CDK5: variants seen among roughly 807,000 people sequenced by gnomAD.
CDK5 encodes the protein cyclin-dependent kinase 5.
In CDK5, 18 loss-of-function variants were observed where a neutral mutation model predicts 44.6. That is an observed-to-expected ratio of 0.40 (90% CI 0.28 to 0.60). CDK5 has a LOEUF of 0.60. Ranked by LOEUF, CDK5 falls within the 20% of genes least tolerant of loss-of-function variation. CDK5 has a pLI of 0.38. For missense variants in CDK5, 198 were observed against 368.1 expected, an observed-to-expected ratio of 0.54 and a Z score of 3.78; for synonymous variants, 143 against 152.8, an observed-to-expected ratio of 0.94 and a Z score of 0.47.
At position 151,054,147 on chromosome 7, in the gene CDK5, G is replaced by A; in HGVS notation, c.793-52C>T. ...GGTTCAGGACAGGTCACTGCCCAGAGCCCTGCCTTCCTGTAGTCCCACTGG... is the reference window on the plus strand; with the variant it reads ...GGTTCAGGACAGGTCACTGCCCAGAACCCTGCCTTCCTGTAGTCCCACTGG... On this transcript the variant is annotated intron_variant, in intron 11 of 11. Transcript: ENST00000485972. This position sits in a 1 kb window ranked among gnomAD's most constrained non-coding sequence, Gnocchi z 5.7. 6.3e-7 allele frequency: 1 copy of A among 1,588,646 alleles called. No individual in the cohort carries two copies.
chr7:151,055,738 C>A lies in CDK5; in HGVS notation c.408+15G>T. On this transcript the variant is annotated intron_variant, in intron 6 of 11. Transcript: ENST00000485972. Reference sequence around the variant, plus strand: ...CCCCAGCCTCTCCATTCCCCACCTTCTTCCCAAGAAGTACCCTGTTTATTA... The same window carrying A: ...CCCCAGCCTCTCCATTCCCCACCTTATTCCCAAGAAGTACCCTGTTTATTA... The A allele has an allele frequency of 6.3e-7, 1 of 1,596,620 alleles. No homozygotes were observed. Among genetic ancestry groups the A allele is most frequent in the South Asian group, 1.1e-5 (1 of 89,412 alleles).
chr7:151,057,246 C>G lies in CDK5; in HGVS notation c.38-86G>C. The G allele has an allele frequency of 9.9e-7, 1 of 1,012,488 alleles. No individual in the cohort carries two copies. The highest frequency in any genetic ancestry group is 1.6e-6 in the Non-Finnish European group (1 of 631,946). The allele number at this position is 1,012,488 out of a possible 1,614,324, so 62.7% of individuals were successfully genotyped here. A position where few individuals can be genotyped will look rare whatever the true frequency, so the allele number is the denominator to read the frequency against. ...TGCCTCCTGAGAGAGGTGAAGGCAGCGTCTCAGTATGCAAGGGAAGGGATT... is the reference window on the plus strand; with the variant it reads ...TGCCTCCTGAGAGAGGTGAAGGCAGGGTCTCAGTATGCAAGGGAAGGGATT... On this transcript the variant is annotated intron_variant, in intron 1 of 11. Coordinates refer to ENST00000485972, the MANE Select transcript of CDK5 (RefSeq NM_004935.4). This position sits in a 1 kb window ranked among gnomAD's most constrained non-coding sequence, Gnocchi z 5.2.
At position 151,056,859 on chromosome 7, in the gene CDK5, G is replaced by A. The variant is rs1178142557; in HGVS notation, c.194+49C>T. 4 of 1,593,574 alleles carry A rather than the reference G, an allele frequency of 2.5e-6. No homozygotes were observed. The highest frequency in any genetic ancestry group is 2.3e-5 in the East Asian group (1 of 43,714). ...TGACAGACGTCCAGTGTCAGCCCCC[G>A]CCTCCCCCAAGCGGCCACACCGGCA... On this transcript the variant is annotated intron_variant, in intron 3 of 11. Transcript: ENST00000485972. The surrounding 1 kb of genome is among the most constrained non-coding windows in gnomAD (Gnocchi z 4.7).
rs1348113945 is a variant in CDK5 at position 151,054,057 on chromosome 7, T to A, written c.831A>T (p.Ala277=). 1 of 1,602,696 alleles carries A rather than the reference T, an allele frequency of 6.2e-7. No individual in the cohort carries two copies. The highest frequency in any genetic ancestry group is 8.5e-7 in the Non-Finnish European group (1 of 1,174,864). Residue 277 remains alanine, a synonymous_variant, in exon 12 of 12, where the codon GCA becomes GCT. Coordinates refer to ENST00000485972, the MANE Select transcript of CDK5 (RefSeq NM_004935.4). The surrounding 1 kb of genome is among the most constrained non-coding windows in gnomAD (Gnocchi z 5.7). ...LKCNPVQRIS[A]EEALQHPYFS... is the part of the protein sequence containing the mutation. ...AGTAGGGGTGCTGCAGGGCCTCTTC[T>A]GCTGAGATACGCTGGACAGGGTTAC...
At position 151,056,961 on chromosome 7, in the gene CDK5, G is replaced by A. The variant is rs760579593; in HGVS notation, c.141C>T (p.Ser47=). The change falls in exon 3 of 12, where the codon TCC becomes TCT. Residue 47 remains serine, a synonymous_variant. Transcript: ENST00000485972. This position sits in a 1 kb window ranked among gnomAD's most constrained non-coding sequence, Gnocchi z 4.7. The part of the protein sequence containing the change: ...LDDDDEGVPS[S]ALREICLLKE... Reference sequence around the variant, plus strand: ...TGAGTAGGCAGATCTCCCGGAGGGCGGAACTCGGCACACCCTGCATATGTG... The same window carrying A: ...TGAGTAGGCAGATCTCCCGGAGGGCAGAACTCGGCACACCCTGCATATGTG... 2.2e-5 allele frequency: 35 copies of A among 1,613,776 alleles called. No homozygotes were observed. In the Middle Eastern group the frequency reaches 1.2e-3, roughly 53 times the overall value.
chr7:151,056,526 C>A lies in CDK5; in HGVS notation c.312+54G>T. The A allele has an allele frequency of 6.5e-7, 1 of 1,532,436 alleles. No homozygotes were observed. Among genetic ancestry groups the A allele is most frequent in the Non-Finnish European group, 9.0e-7 (1 of 1,113,618 alleles). 94.9% of individuals were successfully genotyped at this position (1,532,436 alleles called of 1,614,324 possible). A position where few individuals can be genotyped will look rare whatever the true frequency, so the allele number is the denominator to read the frequency against. On this transcript the variant is annotated intron_variant, in intron 5 of 11. Transcript: ENST00000485972. The surrounding 1 kb of genome is among the most constrained non-coding windows in gnomAD (Gnocchi z 4.7). ...CTTAGAGCCCAAGGGGTGCTTACAC[C>A]GAATGCAGACTCCGACCCCAGCCTG...
At position 151,057,584 on chromosome 7, in the gene CDK5, G is replaced by A; in HGVS notation, c.37+228C>T. On this transcript the variant is annotated intron_variant, in intron 1 of 11. Coordinates refer to ENST00000485972, the MANE Select transcript of CDK5 (RefSeq NM_004935.4). This position sits in a 1 kb window ranked among gnomAD's most constrained non-coding sequence, Gnocchi z 5.2. Reference sequence around the variant, plus strand: ...AAATTTCAGGAAGTGTCGCGGTTGGGAGGTCGGGTCTACTGGGAACGCTAA... The same window carrying A: ...AAATTTCAGGAAGTGTCGCGGTTGGAAGGTCGGGTCTACTGGGAACGCTAA... The A allele has an allele frequency of 3.2e-6, 2 of 624,730 alleles. No individual in the cohort carries two copies. The highest frequency in any genetic ancestry group is 5.7e-6 in the Non-Finnish European group (2 of 351,086). The allele number at this position is 624,730 out of a possible 1,614,324, so 38.7% of individuals were successfully genotyped here.
At chr7:151,055,443 C>T in intron 7 of CDK5, 70 bp from the exon 8 acceptor site, 1 of 1,559,314 alleles carries the variant, frequency 6.4e-7, no homozygotes, top group Non-Finnish European at 8.8e-7. Context: ...GGAGGAGGCT[C>T]AGAGAGGAGA....
intron 8 of CDK5, 88 bp downstream of exon 8, chr7:151,055,189 C>A (rs1584973112): frequency 1.3e-6 from 2 of 1,559,692 alleles, no homozygotes; most frequent in East Asian, 4.5e-5. Flanking sequence ...CCAGGGCCTC[C>A]CTCCCTTCCC....
In CDK5 at chr7:151,057,176, C is replaced by G. The variant is rs750404823; in HGVS notation, c.38-16G>C. On this transcript the variant is annotated splice_polypyrimidine_tract_variant and intron_variant, in intron 1 of 11. Coordinates refer to ENST00000485972, the MANE Select transcript of CDK5 (RefSeq NM_004935.4). The surrounding 1 kb of genome is among the most constrained non-coding windows in gnomAD (Gnocchi z 5.2). ...CCGTAGGTGCCTAGGGGAAGGAGGT[C>G]AGGGGTCAGGGTGAGGATGCGGCAC... The G allele has an allele frequency of 6.2e-7, 1 of 1,600,334 alleles. No homozygotes were observed. The highest frequency in any genetic ancestry group is 8.6e-7 in the Non-Finnish European group (1 of 1,167,482).
At position 151,053,973 on chromosome 7, in the gene CDK5, G is replaced by T; in HGVS notation, c.*36C>A. The stretch of plus-strand genomic sequence containing the variant: ...CCCTCTCAAGAGGGGGCTTAAATAG[G>T]CCAGGCCCCAGCCTGGAGGCCGGGG... On this transcript the variant is annotated 3_prime_UTR_variant, in exon 12 of 12. Transcript: ENST00000485972. 1 of 1,533,046 alleles carries T rather than the reference G, an allele frequency of 6.5e-7. No individual in the cohort carries two copies. Among genetic ancestry groups the T allele is most frequent in the Non-Finnish European group, 8.8e-7 (1 of 1,130,510 alleles). The allele number at this position is 1,533,046 out of a possible 1,614,324, so 95.0% of individuals were successfully genotyped here.
chr7:151,057,678 T>C lies in CDK5; in HGVS notation c.37+134A>G. On this transcript the variant is annotated intron_variant, in intron 1 of 11. Coordinates refer to ENST00000485972, the MANE Select transcript of CDK5 (RefSeq NM_004935.4). This position sits in a 1 kb window ranked among gnomAD's most constrained non-coding sequence, Gnocchi z 5.2. The stretch of plus-strand genomic sequence containing the variant: ...CTGGTGTCTGCACGGAGTGCTGAGC[T>C]AGGGGGCCAGGGCTGCAGCCGCTGC... The C allele has an allele frequency of 1.1e-6, 1 of 938,254 alleles. No homozygotes were observed. Among genetic ancestry groups the C allele is most frequent in the Non-Finnish European group, 1.7e-6 (1 of 595,020 alleles). 58.1% of individuals were successfully genotyped at this position (938,254 alleles called of 1,614,324 possible). A position where few individuals can be genotyped will look rare whatever the true frequency, so the allele number is the denominator to read the frequency against.
In CDK5 at chr7:151,054,803, C is replaced by T. The variant is rs915140616; in HGVS notation, c.650+224G>A. The stretch of plus-strand genomic sequence containing the variant: ...TGGAGGGACACCCTCTCGGCTTCAC[C>T]CCTCAGGGCACGCTGCCTGTCTCCA... On this transcript the variant is annotated intron_variant, in intron 9 of 11. Coordinates refer to ENST00000485972, the MANE Select transcript of CDK5 (RefSeq NM_004935.4). This position sits in a 1 kb window ranked among gnomAD's most constrained non-coding sequence, Gnocchi z 5.7. Among the ~76,000 whole-genome samples, 3 of 152,276 alleles carry T rather than the reference C, an allele frequency of 2.0e-5. No homozygotes were observed. Among genetic ancestry groups the T allele is most frequent in the Admixed American group, 6.5e-5 (1 of 15,298 alleles).
In CDK5 at chr7:151,054,462, C is replaced by G. The variant is rs1294514599; in HGVS notation, c.654G>C (p.Leu218=). ...ACTGCTCCTCGGTGGGCGTCCCCAG[C>G]AGTGTGTCCACGGAGTCAAGGATCA... ...VDDQLKRIFR[L]LGTPTEEQWP... is the part of the protein sequence containing the mutation. The change falls in exon 10 of 12, where the codon CTG becomes CTC. Residue 218 remains leucine (L), a synonymous_variant. Coordinates refer to ENST00000485972, the MANE Select transcript of CDK5 (RefSeq NM_004935.4). The surrounding 1 kb of genome is among the most constrained non-coding windows in gnomAD (Gnocchi z 5.7). 1 of 1,612,170 alleles carries G rather than the reference C, an allele frequency of 6.2e-7. No individual in the cohort carries two copies. The highest frequency in any genetic ancestry group is 8.5e-7 in the Non-Finnish European group (1 of 1,178,906).
At position 151,057,193 on chromosome 7, in the gene CDK5, A is replaced by T. The variant is rs771582509; in HGVS notation, c.38-33T>A. On this transcript the variant is annotated intron_variant, in intron 1 of 11. Coordinates refer to ENST00000485972, the MANE Select transcript of CDK5 (RefSeq NM_004935.4). This position sits in a 1 kb window ranked among gnomAD's most constrained non-coding sequence, Gnocchi z 5.2. ...AAGGAGGTCAGGGGTCAGGGTGAGG[A>T]TGCGGCACTCTTCCCTAAGCCAGGA... 3 of 1,521,656 alleles carry T rather than the reference A, an allele frequency of 2.0e-6. No homozygotes were observed. The highest frequency in any genetic ancestry group is 2.7e-6 in the Non-Finnish European group (3 of 1,095,722). The allele number at this position is 1,521,656 out of a possible 1,614,324, so 94.3% of individuals were successfully genotyped here.
Position 151,056,867 on chromosome 7 carries a change from C to A in CDK5, c.194+41G>T. ...GTCCAGTGTCAGCCCCCGCCTCCCC[C>A]AAGCGGCCACACCGGCAAGGAGCAC... is the stretch of plus-strand genomic sequence containing the variant. On this transcript the variant is annotated intron_variant, in intron 3 of 11. Transcript: ENST00000485972. This position sits in a 1 kb window ranked among gnomAD's most constrained non-coding sequence, Gnocchi z 4.7. 6.3e-7 allele frequency: 1 copy of A among 1,594,178 alleles called. No homozygotes were observed. Among genetic ancestry groups the A allele is most frequent in the Non-Finnish European group, 8.5e-7 (1 of 1,170,736 alleles).
Position 151,053,926 on chromosome 7 carries a change from C to T in CDK5, c.*83G>A. On this transcript the variant is annotated 3_prime_UTR_variant, in exon 12 of 12. Transcript: ENST00000485972. ...CCCAGCACTGCTGGAGCACAGCGCA[C>T]CAGGCACCCCCACTGTCTCACCCCT... The T allele has an allele frequency of 8.0e-7, 1 of 1,252,490 alleles. No individual in the cohort carries two copies. The highest frequency in any genetic ancestry group is 1.1e-6 in the Non-Finnish European group (1 of 892,358). 77.6% of individuals were successfully genotyped at this position (1,252,490 alleles called of 1,614,324 possible).
Position 151,056,204 on chromosome 7 carries a change from T to C in CDK5, c.313-356A>G. 2.0e-6 allele frequency: 1 copy of C among 512,644 alleles called. No individual in the cohort carries two copies. The highest frequency in any genetic ancestry group is 3.5e-6 in the Non-Finnish European group (1 of 285,402). 31.8% of individuals were successfully genotyped at this position (512,644 alleles called of 1,614,324 possible). A position where few individuals can be genotyped will look rare whatever the true frequency, so the allele number is the denominator to read the frequency against. ...CATCAACATAAATATCGTGCTGTAG[T>C]ATCATTCAGGACTGGCTCCCCTGGA... is the stretch of plus-strand genomic sequence containing the variant. On this transcript the variant is annotated intron_variant, in intron 5 of 11. Transcript: ENST00000485972. This position sits in a 1 kb window ranked among gnomAD's most constrained non-coding sequence, Gnocchi z 4.7.
At position 151,056,255 on chromosome 7, in the gene CDK5, G is replaced by C; in HGVS notation, c.312+325C>G. 9.3e-6 allele frequency: 5 copies of C among 536,820 alleles called. No homozygotes were observed. The highest frequency in any genetic ancestry group is 1.7e-5 in the Non-Finnish European group (5 of 300,876). The allele number at this position is 536,820 out of a possible 1,614,324, so 33.3% of individuals were successfully genotyped here. ...ACCTGGACCAAGGCATTTGGTCTTGGGCCTAGAAAAGCACCTGGCACACAG... is the reference window on the plus strand; with the variant it reads ...ACCTGGACCAAGGCATTTGGTCTTGCGCCTAGAAAAGCACCTGGCACACAG... On this transcript the variant is annotated intron_variant, in intron 5 of 11. Coordinates refer to ENST00000485972, the MANE Select transcript of CDK5 (RefSeq NM_004935.4). The surrounding 1 kb of genome is among the most constrained non-coding windows in gnomAD (Gnocchi z 4.7).
Sources: allele counts gnomAD v4.1 joint callset (sites outside exome capture counted in the v4.1 genomes callset), GRCh38; gene constraint gnomAD v4.1.1; non-coding constraint Gnocchi (gnomAD v3.1); transcripts MANE v1.5; gene names NCBI Gene and HGNC (gene_info 2026-07-23, HGNC 2026-07-21).